PHLPP2: variants seen among roughly 807,000 people sequenced by gnomAD.
PHLPP2 encodes PH domain and leucine rich repeat protein phosphatase 2.
A neutral mutation model predicts 124.9 loss-of-function variants in PHLPP2; 66 were observed. That is an observed-to-expected ratio of 0.53 (90% CI 0.43 to 0.65). The LOEUF (loss-of-function observed/expected upper bound fraction) is 0.65. Ranked by LOEUF, PHLPP2 falls within the 30% of genes least tolerant of loss-of-function variation. The pLI, the probability that PHLPP2 is intolerant of heterozygous loss-of-function variation, is 0.00. For synonymous variants in PHLPP2, 681 were observed against 624.7 expected (o/e 1.09, Z -1.34); for missense variants, 1,685 against 1,600.4 (o/e 1.05, Z -0.90).
intron 9 of PHLPP2, among the ~76,000 whole-genome samples, chr16:71,676,093 T>C (rs766224516): frequency 7.2e-5 from 11 of 151,958 alleles, no homozygotes; most frequent in Non-Finnish European, 1.2e-4. Context: ...GTATGGGCCA[T>C]AAAAAAAGAG....
Position 71,649,093 on chromosome 16 carries a change from C to T in PHLPP2, c.3769G>A (p.Val1257Met). 1 of 1,614,078 alleles carries T rather than the reference C, an allele frequency of 6.2e-7. No individual in the cohort carries two copies. Among genetic ancestry groups the T allele is most frequent in the Admixed American group, 1.7e-5 (1 of 60,020 alleles). Residue 1257 changes from valine (V) to methionine (M), a missense_variant, in exon 19 of 19, where the codon GTG (valine) becomes ATG (methionine). Val to Met is a conservative substitution (Grantham distance 21). Transcript: ENST00000568954. ...TTCCTCTTGGGCACTTCTGTGGCCA[C>T]TTCAATGAGGTTCAGGCTGTCCTCT... ...PLEDSLNLIE[V>M]ATEVPKRKTG... is the part of the protein sequence containing the mutation.
Position 71,649,005 on chromosome 16 carries a change from T to A in PHLPP2, c.3857A>T (p.Asp1286Val), listed in dbSNP as rs139511750. 8.3e-5 allele frequency: 134 copies of A among 1,613,952 alleles called. No individual in the cohort carries two copies. The highest frequency in any genetic ancestry group is 1.7e-4 in the Admixed American group (10 of 60,002). ...EPEDQFVVPH[D>V]LEEEVKEQMK... ...TTGTTCCTTCACTTCTTCTTCCAGG[T>A]CATGAGGCACAACAAACTGGTCCTC... Residue 1286 changes from aspartate to valine, a missense_variant, in exon 19 of 19, where the codon GAC becomes GTC. By Grantham distance (152) the Asp-to-Val change is radical. Transcript: ENST00000568954.
intron 1 of PHLPP2, among the ~76,000 whole-genome samples, chr16:71,722,664 T>C (rs930355711): frequency 6.6e-6 from 1 of 152,220 alleles, no homozygotes; most frequent in African/African-American, 2.4e-5. Flanking sequence ...CAATGTATTT[T>C]TGAAACACAT....
At chr16:71,693,543 C>T (rs543404575) in intron 3 of PHLPP2, among the ~76,000 whole-genome samples, 3 of 152,196 alleles carry the variant, frequency 2.0e-5, no homozygotes, top group African/African-American at 4.8e-5. Flanking sequence ...TCAATTCACA[C>T]CTGAATCACT....
At chr16:71,659,179 T>C (rs919708795) in intron 13 of PHLPP2, among the ~76,000 whole-genome samples, 1 of 151,844 alleles carries the variant, frequency 6.6e-6, no homozygotes, top group Non-Finnish European at 1.5e-5. Flanking sequence ...AGTAAGTCAA[T>C]GTCAGCAGTC....
chr16:71,697,209 A>T (rs1238985819), intron 3 of PHLPP2, among the ~76,000 whole-genome samples: 2 of 41,922 alleles, frequency 4.8e-5, no homozygotes, highest in Non-Finnish European at 9.5e-5. Flanking sequence ...TAAATAAATA[A>T]ATAAATAAAA....
In PHLPP2 at chr16:71,679,505, G is replaced by C; in HGVS notation, c.921C>G (p.Ser307=). The part of the protein sequence containing the change: ...KFSQLKGLNL[S]HNKLGLFPIL... ...TAGGAAACAACCCAAGTTTATTATG[G>C]GACAAGTTCAGGCCCTTCAGTTGAG... Residue 307 remains serine, a synonymous_variant, in exon 7 of 19, where the codon TCC becomes TCG. Coordinates refer to ENST00000568954, the MANE Select transcript of PHLPP2 (RefSeq NM_015020.3). 1 of 1,614,014 alleles carries C rather than the reference G, an allele frequency of 6.2e-7. No individual in the cohort carries two copies. Among genetic ancestry groups the C allele is most frequent in the Non-Finnish European group, 8.5e-7 (1 of 1,179,932 alleles).
chr16:71,719,632 T>C (rs2045385258), intron 1 of PHLPP2, among the ~76,000 whole-genome samples: 1 of 151,792 alleles, frequency 6.6e-6, no homozygotes, highest in Non-Finnish European at 1.5e-5. Flanking sequence ...AAAAAGAATC[T>C]CATGACACAC....
intron 15 of PHLPP2, among the ~76,000 whole-genome samples, chr16:71,657,819 G>A (rs1278380588): frequency 6.6e-6 from 1 of 152,182 alleles, no homozygotes; most frequent in Non-Finnish European, 1.5e-5. Context: ...GGGGTAGGAG[G>A]ATCAAAGGGG....
At chr16:71,656,550 C>T (rs774603312) in intron 16 of PHLPP2, 21 bp downstream of exon 16, 2 of 1,444,724 alleles carry the variant, frequency 1.4e-6, no homozygotes, top group East Asian at 4.5e-5. Flanking sequence ...CTTTCTCAGT[C>T]TCCATGGCCA....
At chr16:71,669,474 C>G in intron 10 of PHLPP2, 104 bp from the exon 11 acceptor site, 1 of 777,354 alleles carries the variant, frequency 1.3e-6, no homozygotes, top group Admixed American at 2.2e-5. Context: ...CCCTTGAGGG[C>G]AGGAACACTG....
At chr16:71,655,080 C>T in intron 17 of PHLPP2, 160 bp downstream of exon 17, 1 of 583,762 alleles carries the variant, frequency 1.7e-6, no homozygotes, top group Non-Finnish European at 3.1e-6. Flanking sequence ...AGCCGAAGTC[C>T]CCGCACTCCA....
At chr16:71,676,082 C>T (rs1444843231) in intron 9 of PHLPP2, among the ~76,000 whole-genome samples, 4 of 151,944 alleles carry the variant, frequency 2.6e-5, no homozygotes, top group African/African-American at 4.8e-5. Flanking sequence ...AAAACCATTC[C>T]GTATGGGCCA....
chr16:71,719,964 A>ATTTTTTTTTTTTTTTTTTTTTTTT (rs756642820), intron 1 of PHLPP2, among the ~76,000 whole-genome samples: 4 of 53,250 alleles, frequency 7.5e-5, no homozygotes, highest in Admixed American at 3.5e-4. Context: ...TGCCCAGCTA[A>ATTTTTTTTTTTTTTTTTTTTTTTT]TTTTTTTTTT....
chr16:71,692,793 T>A (rs2045127981), intron 3 of PHLPP2, among the ~76,000 whole-genome samples: 1 of 151,074 alleles, frequency 6.6e-6, no homozygotes, highest in Non-Finnish European at 1.5e-5. Context: ...AAATGTTAAG[T>A]AAATAGTTGT....
chr16:71,655,390 A>G lies in PHLPP2; in HGVS notation c.2435T>C (p.Val812Ala). 1 of 1,613,998 alleles carries G rather than the reference A, an allele frequency of 6.2e-7. No homozygotes were observed. The highest frequency in any genetic ancestry group is 8.5e-7 in the Non-Finnish European group (1 of 1,179,974). ...ALAMDSFAEG[V>A]GAVYGMFDGD... ...ATCAAACATGCCATACACAGCTCCC[A>G]CCCCCTCTGCAAAGCTATCCATAGC... The change falls in exon 17 of 19, where the codon GTG (valine) becomes GCG (alanine). Residue 812 changes from valine (V) to alanine (A), a missense_variant. Val to Ala is a moderately conservative substitution (Grantham distance 64). Coordinates refer to ENST00000568954, the MANE Select transcript of PHLPP2 (RefSeq NM_015020.3).
At chr16:71,668,080 G>T (rs1206085696) in intron 11 of PHLPP2, among the ~76,000 whole-genome samples, 1 of 151,996 alleles carries the variant, frequency 6.6e-6, no homozygotes, top group African/African-American at 2.4e-5. Context: ...AATTTCTTCT[G>T]ATTTTCTCCA....
intron 3 of PHLPP2, among the ~76,000 whole-genome samples, chr16:71,691,973 A>C (rs914655918): frequency 2.0e-5 from 3 of 152,108 alleles, no homozygotes; most frequent in African/African-American, 4.8e-5. Flanking sequence ...AAAAGGGACA[A>C]CTAACTATAC....
At chr16:71,658,481 C>T in intron 14 of PHLPP2, 118 bp from the exon 15 acceptor site, 1 of 1,200,336 alleles carries the variant, frequency 8.3e-7, no homozygotes, top group Non-Finnish European at 1.2e-6. Context: ...CCCAGGAATC[C>T]ATTACATAAA....
Sources: allele counts gnomAD v4.1 joint callset (sites outside exome capture counted in the v4.1 genomes callset), GRCh38; gene constraint gnomAD v4.1.1; transcripts MANE v1.5; gene names NCBI Gene and HGNC (gene_info 2026-07-23, HGNC 2026-07-21).